The following PLEKHA4 variants were observed in gnomAD, a reference collection of about 807,000 sequenced individuals.
The protein encoded by PLEKHA4 is pleckstrin homology domain containing A4.
Under a neutral mutation model 94.7 loss-of-function variants are expected in PLEKHA4, and 73 were observed. The observed-to-expected ratio is 0.77, with a 90% CI of 0.64 to 0.94. The LOEUF is 0.94. PLEKHA4 is among the 40% of genes least tolerant of loss of function. The probability of loss-of-function intolerance (pLI) is 0.00; values close to 1 mark genes in which losing one functional copy is unlikely to be tolerated. For synonymous variants in PLEKHA4, 449 were observed against 437.1 expected, an observed-to-expected ratio of 1.03 and a Z score of -0.34; for missense variants, 1,049 against 1,054.1, an observed-to-expected ratio of 1.00 and a Z score of 0.07.
intron 16 of PLEKHA4, among the ~76,000 whole-genome samples, chr19:48,843,804 C>T (rs62127971): frequency 7.9e-5 from 12 of 151,736 alleles, no homozygotes; most frequent in African/African-American, 2.7e-4. Context: ...ATTACAGGTG[C>T]GTGCTGCTAC....
chr19:48,841,289 T>TCCGGGGCCGGGCCA lies in PLEKHA4; in HGVS notation c.1751_1764dup (p.Met589TrpfsTer6), dbSNP rs1453407435. The TCCGGGGCCGGGCCA allele has an allele frequency of 1.2e-6, 2 of 1,611,920 alleles. No homozygotes were observed. Among genetic ancestry groups the TCCGGGGCCGGGCCA allele is most frequent in the African/African-American group, 1.3e-5 (1 of 74,942 alleles). On this transcript the variant is annotated frameshift_variant, in exon 17 of 20. Coordinates refer to ENST00000263265, the MANE Select transcript of PLEKHA4 (RefSeq NM_020904.3). LOFTEE classifies it high-confidence loss of function. ...CGCTCCAGCTGCTCCTGGGCACTCA[T>TCCGGGGCCGGGCCA]CCGGGGCCGGGCCACCGGGGCCTAG...
chr19:48,848,083 G>C, intron 13 of PLEKHA4, 43 bp from the exon 14 acceptor site: 1 of 1,599,464 alleles, frequency 6.3e-7, no homozygotes, highest in Non-Finnish European at 8.5e-7. Context: ...GTGGGAAAAC[G>C]CAGGAGGGTT....
rs1045432359 is a variant in PLEKHA4, at chr19:48,867,137, G to A, written c.84+400C>T. On this transcript the variant is annotated intron_variant, in intron 2 of 19. Transcript: ENST00000263265. The surrounding 1 kb of genome is among the most constrained non-coding windows in gnomAD (Gnocchi z 4.7). ...GATGCAAGTATCTGGAGGCCCCTTG[G>A]GTCTTATTGTCAGAGAAGGGTCTCT... 1.3e-5 allele frequency among the ~76,000 whole-genome samples: 2 copies of A among 152,064 alleles called. No individual in the cohort carries two copies. Among genetic ancestry groups the A allele is most frequent in the Admixed American group, 6.6e-5 (1 of 15,252 alleles).
chr19:48,842,085 T>C (rs1040193318), intron 16 of PLEKHA4, among the ~76,000 whole-genome samples: 6 of 152,186 alleles, frequency 3.9e-5, no homozygotes, highest in African/African-American at 1.2e-4. Flanking sequence ...CTGAGTCCTG[T>C]TTATATAAAT....
chr19:48,858,643 A>AAAAAAAAAAAAAAAAAAAAAAAC, intron 8 of PLEKHA4, among the ~76,000 whole-genome samples: 2 of 150,588 alleles, frequency 1.3e-5, no homozygotes, highest in African/African-American at 4.9e-5. Context: ...AAAAAAAAAA[A>AAAAAAAAAAAAAAAAAAAAAAAC]AGCAATGGCC....
chr19:48,841,208 G>A lies in PLEKHA4; in HGVS notation c.1846C>T (p.Leu616Phe). 1 of 1,613,100 alleles carries A rather than the reference G, an allele frequency of 6.2e-7. No homozygotes were observed. Among genetic ancestry groups the A allele is most frequent in the African/African-American group, 1.3e-5 (1 of 75,042 alleles). The change falls in exon 17 of 20, where the codon CTT becomes TTT. Residue 616 changes from leucine to phenylalanine, a missense_variant. By Grantham distance (22) the Leu-to-Phe change is conservative. Coordinates refer to ENST00000263265, the MANE Select transcript of PLEKHA4 (RefSeq NM_020904.3). ...RPFPRPTSPR[L>F]LTLGRTLSPA... ...GACAGTGTCCTTCCCAGGGTGAGAA[G>A]CCGGGGGGAGGTCGGGCGAGGGAAG...
chr19:48,860,280 G>A, intron 6 of PLEKHA4, 70 bp downstream of exon 6: 1 of 1,355,550 alleles, frequency 7.4e-7, no homozygotes, highest in South Asian at 1.2e-5. Flanking sequence ...GGGCCCCAAA[G>A]GGGAGGAGTT....
chr19:48,857,489 G>T lies in PLEKHA4; in HGVS notation c.980C>A (p.Ser327Tyr). The change falls in exon 9 of 20, where the codon TCT becomes TAT. Residue 327 changes from serine to tyrosine, a missense_variant. Coordinates refer to ENST00000263265, the MANE Select transcript of PLEKHA4 (RefSeq NM_020904.3). ...WSQEPRTQAHSGSPTYLQLPP... is the reference protein window; with the variant it reads ...WSQEPRTQAHYGSPTYLQLPP... ...GAGCTGGAGATAAGTGGGGGAGCCAGAGTGTGCCTGGGAGGAACGTTGAAA... is the reference window on the plus strand; with the variant it reads ...GAGCTGGAGATAAGTGGGGGAGCCATAGTGTGCCTGGGAGGAACGTTGAAA... 6.4e-7 allele frequency: 1 copy of T among 1,555,734 alleles called. No homozygotes were observed. Among genetic ancestry groups the T allele is most frequent in the Non-Finnish European group, 8.7e-7 (1 of 1,145,512 alleles).
intron 13 of PLEKHA4, among the ~76,000 whole-genome samples, chr19:48,850,770 T>C (rs1050782220): frequency 3.3e-5 from 5 of 151,656 alleles, no homozygotes; most frequent in Non-Finnish European, 7.4e-5. Flanking sequence ...TGAACCGAGA[T>C]TGCACCATTG....
chr19:48,837,469 G>A lies in PLEKHA4; in HGVS notation c.2160C>T (p.Pro720=), dbSNP rs1435392095. ...PSDPTRQETP[P]PRSPPVANSG... ...AATTAGCCACCGGGGGAGATCTGGGGGGAGGGGTCTCCTGGCGCGTGGGGT... is the reference window on the plus strand; with the variant it reads ...AATTAGCCACCGGGGGAGATCTGGGAGGAGGGGTCTCCTGGCGCGTGGGGT... The change falls in exon 20 of 20, where the codon CCC becomes CCT. Residue 720 remains proline (P), a synonymous_variant. Coordinates refer to ENST00000263265, the MANE Select transcript of PLEKHA4 (RefSeq NM_020904.3). This position sits in a 1 kb window ranked among gnomAD's most constrained non-coding sequence, Gnocchi z 4.3. The A allele has an allele frequency of 6.2e-7, 1 of 1,613,276 alleles. No individual in the cohort carries two copies. Among genetic ancestry groups the A allele is most frequent in the East Asian group, 2.2e-5 (1 of 44,878 alleles).
chr19:48,853,258 C>G (rs1169113650), intron 12 of PLEKHA4, among the ~76,000 whole-genome samples: 1 of 152,102 alleles, frequency 6.6e-6, no homozygotes, highest in Admixed American at 6.6e-5. Context: ...AGGCCGGGCG[C>G]AGTGGCTCAT....
In PLEKHA4 at chr19:48,867,755, G is replaced by A; in HGVS notation, c.-6-129C>T. 3.5e-6 allele frequency: 3 copies of A among 856,602 alleles called. No individual in the cohort carries two copies. Among genetic ancestry groups the A allele is most frequent in the South Asian group, 1.6e-5 (1 of 62,578 alleles). The allele number at this position is 856,602 out of a possible 1,614,324, so 53.1% of individuals were successfully genotyped here. A position where few individuals can be genotyped will look rare whatever the true frequency, so the allele number is the denominator to read the frequency against. ...GTTGTTTCGGGACTTGGGGGGCTGG[G>A]GGAGGCCATGGCCCGTGACCACATA... is the stretch of plus-strand genomic sequence containing the variant. On this transcript the variant is annotated intron_variant, in intron 1 of 19. Coordinates refer to ENST00000263265, the MANE Select transcript of PLEKHA4 (RefSeq NM_020904.3). The surrounding 1 kb of genome is among the most constrained non-coding windows in gnomAD (Gnocchi z 4.7).
At chr19:48,845,646 T>G (rs2035941984) in intron 14 of PLEKHA4, 30 bp from the exon 15 acceptor site, 2 of 1,419,938 alleles carry the variant, frequency 1.4e-6, no homozygotes, top group Non-Finnish European at 1.9e-6. Flanking sequence ...GGGATAATGA[T>G]GATCATTATA....
chr19:48,857,433 T>C lies in PLEKHA4; in HGVS notation c.1036A>G (p.Met346Val), dbSNP rs756853686. 6 of 1,539,616 alleles carry C rather than the reference T, an allele frequency of 3.9e-6. No homozygotes were observed. In the Admixed American group the frequency reaches 8.7e-5, roughly 22 times the overall value. ...TCCAGGATACCTACCAATAAAACCA[T>C]GGAGGCCCGGGTCCCAGGGGGCCGC... Reference protein sequence around the residue: ...PPRPPGTRASMVLLPGPPLES... With the variant: ...PPRPPGTRASVVLLPGPPLES... Residue 346 changes from methionine to valine, a missense_variant, in exon 9 of 20, where the codon ATG (methionine) becomes GTG (valine). Met to Val is a conservative substitution (Grantham distance 21). Coordinates refer to ENST00000263265, the MANE Select transcript of PLEKHA4 (RefSeq NM_020904.3).
chr19:48,840,497 C>T (rs1568532970), intron 17 of PLEKHA4, among the ~76,000 whole-genome samples: 1 of 149,622 alleles, frequency 6.7e-6, no homozygotes, highest in Non-Finnish European at 1.5e-5. Flanking sequence ...AAAATCTTAG[C>T]TCACCACAAC....
Position 48,848,258 on chromosome 19 carries a change from G to A in PLEKHA4, c.1426-218C>T, listed in dbSNP as rs371217382. Among the ~76,000 whole-genome samples the A allele has an allele frequency of 7.8e-3, 1,186 of 152,010 alleles. 14 individuals are homozygous for A. Among genetic ancestry groups the A allele is most frequent in the African/African-American group, 0.028 (1,150 of 41,468 alleles). On this transcript the variant is annotated intron_variant, in intron 13 of 19. Coordinates refer to ENST00000263265, the MANE Select transcript of PLEKHA4 (RefSeq NM_020904.3). ...TCCCAGCACTTTGGGAGGCCGAGGC[G>A]GGCGGATCACGAGGTCAGGAGATCG...
chr19:48,861,594 C>G, intron 4 of PLEKHA4, 26 bp downstream of exon 4: 1 of 1,613,592 alleles, frequency 6.2e-7, no homozygotes, highest in Non-Finnish European at 8.5e-7. Flanking sequence ...GCCCTCCCAC[C>G]CCAAGCCAGC....
chr19:48,866,146 G>C (rs944007532), intron 2 of PLEKHA4, among the ~76,000 whole-genome samples: 1 of 151,702 alleles, frequency 6.6e-6, no homozygotes, highest in Admixed American at 6.6e-5. Flanking sequence ...GAGTGCAGTA[G>C]CCTAAACACT....
chr19:48,861,027 C>T (rs748210654), intron 5 of PLEKHA4, among the ~76,000 whole-genome samples: 10 of 151,832 alleles, frequency 6.6e-5, no homozygotes, highest in South Asian at 2.1e-4. Flanking sequence ...GCCAACATGG[C>T]GAAACCCCAT....
Sources: allele counts gnomAD v4.1 joint callset (sites outside exome capture counted in the v4.1 genomes callset), GRCh38; gene constraint gnomAD v4.1.1; non-coding constraint Gnocchi (gnomAD v3.1); transcripts MANE v1.5; gene names NCBI Gene and HGNC (gene_info 2026-07-23, HGNC 2026-07-21).